The following HDAC9 variants were observed in gnomAD, a reference collection of about 807,000 sequenced individuals.
The protein encoded by HDAC9 is MEF-2 interacting transcription repressor (MITR) protein.
In HDAC9, 41 loss-of-function variants were observed where a neutral mutation model predicts 139.4. The ratio of observed to expected loss-of-function variants is 0.29; its 90% confidence interval spans 0.23 to 0.38. HDAC9 has a LOEUF of 0.38. Among genes scored for constraint, HDAC9 ranks in the 10% least tolerant of loss-of-function variants. The probability of loss-of-function intolerance (pLI) is 1.00; values close to 1 mark genes in which losing one functional copy is unlikely to be tolerated. For synonymous variants in HDAC9, 517 were observed against 476.2 expected (o/e 1.09, Z -1.12); for missense variants, 1,147 against 1,297.0 (o/e 0.88, Z 1.78).
chr7:19,000,652 G>C lies in HDAC9; in HGVS notation c.*4590G>C, dbSNP rs1183345257. The C allele has an allele frequency of 6.6e-6, 1 of 152,160 alleles. No individual in the cohort carries two copies. Among genetic ancestry groups the C allele is most frequent in the Non-Finnish European group, 1.5e-5 (1 of 68,016 alleles). The allele number at this position is 152,160 out of a possible 1,614,324, so 9.4% of individuals were successfully genotyped here. On this transcript the variant is annotated 3_prime_UTR_variant, in exon 26 of 26. Coordinates refer to ENST00000686413, the MANE Select transcript of HDAC9 (RefSeq NM_178425.4). ...CTTAGACTTTTGATTGGGGCTGTTT[G>C]GACTTGATCCAATGATAAGGTAATA...
At chr7:18,863,001 G>A (rs1798228741) in intron 21 of HDAC9, among the ~76,000 whole-genome samples, 1 of 152,108 alleles carries the variant, frequency 6.6e-6, no homozygotes. Flanking sequence ...ATGAGCATTT[G>A]CATATTCTTG....
intron 1 of HDAC9, among the ~76,000 whole-genome samples, chr7:18,145,755 G>C (rs994584880): frequency 1.3e-5 from 2 of 152,126 alleles, no homozygotes; most frequent in African/African-American, 2.4e-5. Flanking sequence ...CTGAATCTTT[G>C]ATAGGGGTTG....
At chr7:18,957,125 A>AT (rs1783207756) in intron 24 of HDAC9, among the ~76,000 whole-genome samples, 1 of 152,176 alleles carries the variant, frequency 6.6e-6, no homozygotes, top group South Asian at 2.1e-4. Flanking sequence ...TTGAGGTTGT[A>AT]AAAGGAAAGA....
At chr7:18,911,228 T>G (rs934101757) in intron 22 of HDAC9, among the ~76,000 whole-genome samples, 2 of 151,742 alleles carry the variant, frequency 1.3e-5, no homozygotes, top group African/African-American at 2.4e-5. Flanking sequence ...TTTTCTAATT[T>G]GTTGGTTTAT....
chr7:18,727,798 T>C, intron 13 of HDAC9, 41 bp downstream of exon 13: 2 of 1,371,194 alleles, frequency 1.5e-6, no homozygotes, highest in Non-Finnish European at 1.9e-6. Flanking sequence ...GCAGGCTAAA[T>C]GCCCCGTTCT....
In HDAC9 at chr7:18,297,676, A is replaced by C. The variant is rs967470378; in HGVS notation, c.-42+7161A>C. Among the ~76,000 whole-genome samples, 11 of 152,278 alleles carry C rather than the reference A, an allele frequency of 7.2e-5. No homozygotes were observed. The East Asian group carries it at 2.1e-3, about 29-fold the overall frequency. On this transcript the variant is annotated intron_variant, in intron 1 of 3. Transcript: ENST00000413509. ...TTGGAATTCTTGTAAGACTTGGCAC[A>C]GTTTTTAGTCCTGATCCAAAGGAGT...
intron 2 of HDAC9, among the ~76,000 whole-genome samples, chr7:18,183,203 G>A (rs1353132094): frequency 2.0e-5 from 3 of 152,014 alleles, no homozygotes; most frequent in Non-Finnish European, 4.4e-5. Flanking sequence ...TAGAGACGGG[G>A]TTTCACCGTG....
intron 1 of HDAC9, among the ~76,000 whole-genome samples, chr7:18,126,128 G>C (rs560606784): frequency 1.3e-5 from 2 of 152,190 alleles, no homozygotes; most frequent in African/African-American, 4.8e-5. Context: ...TGATTTATTG[G>C]ATTTCTGGTA....
chr7:18,239,993 T>A (rs900790595), intron 2 of HDAC9, among the ~76,000 whole-genome samples: 3 of 151,436 alleles, frequency 2.0e-5, no homozygotes, highest in Non-Finnish European at 2.9e-5. Flanking sequence ...TCCTGGACTT[T>A]GTCCAGGACA....
At chr7:18,406,981 A>G (rs1007281654) in intron 1 of HDAC9, among the ~76,000 whole-genome samples, 1 of 152,214 alleles carries the variant, frequency 6.6e-6, no homozygotes, top group Middle Eastern at 3.2e-3. Flanking sequence ...ATGCCTGGAA[A>G]ATAATAATAG....
intron 12 of HDAC9, among the ~76,000 whole-genome samples, chr7:18,716,344 A>G (rs574234120): frequency 1.3e-3 from 199 of 152,226 alleles, no homozygotes; most frequent in Non-Finnish European, 2.5e-3. Flanking sequence ...TGAAGGAAGA[A>G]AAATATAATT....
intron 1 of HDAC9, among the ~76,000 whole-genome samples, chr7:18,377,394 C>T (rs1785076736): frequency 6.6e-6 from 1 of 152,044 alleles, no homozygotes; most frequent in Admixed American, 6.6e-5. Flanking sequence ...TAAAAATGAG[C>T]ATAAGTTTTA....
intron 6 of HDAC9, among the ~76,000 whole-genome samples, chr7:18,616,159 AT>A (rs1838532759): frequency 2.6e-5 from 4 of 152,126 alleles, no homozygotes; most frequent in African/African-American, 9.7e-5. Context: ...ATCCAAGTTA[AT>A]CTTTTTTAAG....
intron 23 of HDAC9, among the ~76,000 whole-genome samples, chr7:18,947,979 G>C (rs1484900757): frequency 6.6e-6 from 1 of 151,776 alleles, no homozygotes; most frequent in Non-Finnish European, 1.5e-5. Flanking sequence ...CAATGAGGAA[G>C]AAATATATTT....
chr7:18,703,310 C>T (rs1354463518), intron 12 of HDAC9, among the ~76,000 whole-genome samples: 1 of 151,996 alleles, frequency 6.6e-6, no homozygotes, highest in African/African-American at 2.4e-5. Flanking sequence ...GTAATTATAT[C>T]CCTGACTTCC....
At chr7:18,765,766 A>T (rs1439177501) in intron 15 of HDAC9, among the ~76,000 whole-genome samples, 1 of 152,136 alleles carries the variant, frequency 6.6e-6, no homozygotes, top group Non-Finnish European at 1.5e-5. Context: ...TTTTGTTAGG[A>T]ACAACAACAT....
intron 22 of HDAC9, among the ~76,000 whole-genome samples, chr7:18,881,498 A>G (rs1799734760): frequency 1.3e-5 from 2 of 152,084 alleles, no homozygotes; most frequent in South Asian, 4.1e-4. Flanking sequence ...AGCCAGAACT[A>G]GGTGTGTTTT....
At chr7:18,544,880 G>A (rs1814261440) in intron 2 of HDAC9, among the ~76,000 whole-genome samples, 1 of 152,176 alleles carries the variant, frequency 6.6e-6, no homozygotes, top group Non-Finnish European at 1.5e-5. Flanking sequence ...GTTTCTTCCA[G>A]GAAACCTGTG....
intron 11 of HDAC9, among the ~76,000 whole-genome samples, chr7:18,658,341 C>T (rs1305360415): frequency 6.6e-6 from 1 of 152,104 alleles, no homozygotes; most frequent in Non-Finnish European, 1.5e-5. Flanking sequence ...TTGGAACAAA[C>T]CTTCAGTTTC....
Sources: allele counts gnomAD v4.1 joint callset (sites outside exome capture counted in the v4.1 genomes callset), GRCh38; gene constraint gnomAD v4.1.1; transcripts MANE v1.5; gene names NCBI Gene and HGNC (gene_info 2026-07-23, HGNC 2026-07-21).